The following PLXNA4 variants were observed in gnomAD, a reference collection of about 807,000 sequenced individuals.
The protein encoded by PLXNA4 is plexin-A4.
In PLXNA4, 44 loss-of-function variants were observed where a neutral mutation model predicts 191.8. The observed-to-expected ratio is 0.23, with a 90% CI of 0.18 to 0.29. The LOEUF (loss-of-function observed/expected upper bound fraction) is 0.29, where lower values mean the gene tolerates loss of function less well. PLXNA4 is among the 10% of genes least tolerant of loss of function. The probability of loss-of-function intolerance (pLI) is 1.00; values close to 1 mark genes in which losing one functional copy is unlikely to be tolerated. For synonymous variants in PLXNA4, 1,082 were observed against 1,009.5 expected (o/e 1.07, Z -1.36); for missense variants, 1,800 against 2,488.8 (o/e 0.72, Z 5.89).
chr7:132,270,104 A>T (rs1168867591), intron 4 of PLXNA4, among the ~76,000 whole-genome samples: 1 of 152,226 alleles, frequency 6.6e-6, no homozygotes, highest in Non-Finnish European at 1.5e-5. Context: ...AGACATGTAT[A>T]TATGAAGAAA....
upstream of PLXNA4, among the ~76,000 whole-genome samples, chr7:132,578,464 C>A (rs191543676): frequency 6.6e-6 from 1 of 152,362 alleles, no homozygotes; most frequent in Admixed American, 6.5e-5. Context: ...CATCTCAGAG[C>A]CTCCTTATTA....
chr7:132,498,077 G>A (rs144951238), intron 2 of PLXNA4, among the ~76,000 whole-genome samples: 6 of 152,230 alleles, frequency 3.9e-5, no homozygotes, highest in Admixed American at 2.0e-4. Flanking sequence ...TTCAGTTACC[G>A]CAGCTTCAGA....
rs570908251 is a variant in PLXNA4 at position 132,355,784 on chromosome 7, A to G, written c.1372-57562T>C. 8.3e-4 allele frequency among the ~76,000 whole-genome samples: 127 copies of G among 152,160 alleles called. 1 individual carries two copies. The highest frequency in any genetic ancestry group is 2.7e-3 in the African/African-American group (111 of 41,508). Reference sequence around the variant, plus strand: ...AAATCAAGAGGCTTTGGGGAGGGAGAGAGAAGGAGAAAAATGGAGATCATA... The same window carrying G: ...AAATCAAGAGGCTTTGGGGAGGGAGGGAGAAGGAGAAAAATGGAGATCATA... On this transcript the variant is annotated intron_variant, in intron 3 of 31. Coordinates refer to ENST00000321063, the MANE Select transcript of PLXNA4 (RefSeq NM_020911.2).
At chr7:132,535,492 C>T (rs1799797240) in intron 1 of PLXNA4, among the ~76,000 whole-genome samples, 2 of 152,150 alleles carry the variant, frequency 1.3e-5, no homozygotes, top group Admixed American at 6.5e-5. Flanking sequence ...ATCTCCCCTC[C>T]TACCCTCTTC....
intron 3 of PLXNA4, among the ~76,000 whole-genome samples, chr7:132,389,689 A>G (rs1262460586): frequency 6.6e-6 from 1 of 152,232 alleles, no homozygotes; most frequent in Non-Finnish European, 1.5e-5. Context: ...TATAGTTTGA[A>G]GTCAGGTAGT....
intron 5 of PLXNA4, among the ~76,000 whole-genome samples, chr7:132,237,300 CATT>C (rs1321342028): frequency 6.6e-6 from 1 of 152,210 alleles, no homozygotes; most frequent in Non-Finnish European, 1.5e-5. Flanking sequence ...CTCAAGGACT[CATT>C]ATGCCTCAGA....
intron 2 of PLXNA4, among the ~76,000 whole-genome samples, chr7:132,621,998 A>G (rs972122881): frequency 6.6e-6 from 1 of 152,050 alleles, no homozygotes; most frequent in African/African-American, 2.4e-5. Context: ...ACAGCTAGCT[A>G]TCCTCCTAAT....
At chr7:132,622,788 C>T (rs753086461) in intron 2 of PLXNA4, among the ~76,000 whole-genome samples, 1 of 152,098 alleles carries the variant, frequency 6.6e-6, no homozygotes, top group East Asian at 1.9e-4. Context: ...ATTTAAAATG[C>T]CATTTGCTAT....
At chr7:132,359,442 C>T (rs1363228508) in intron 3 of PLXNA4, among the ~76,000 whole-genome samples, 22 of 151,986 alleles carry the variant, frequency 1.4e-4, no homozygotes, top group Admixed American at 1.4e-3. Flanking sequence ...GTCTCTAACT[C>T]CTGACCTCAA....
intron 4 of PLXNA4, among the ~76,000 whole-genome samples, chr7:132,267,297 C>G (rs1799893801): frequency 6.6e-6 from 1 of 152,148 alleles, no homozygotes; most frequent in South Asian, 2.1e-4. Context: ...ATGAGCATAG[C>G]CCAAGGGGAA....
intron 10 of PLXNA4, among the ~76,000 whole-genome samples, chr7:132,207,541 T>C (rs976395809): frequency 6.6e-6 from 1 of 152,164 alleles, no homozygotes; most frequent in African/African-American, 2.4e-5. Flanking sequence ...TGCCCTGTCC[T>C]CCTCCCACCA....
intron 3 of PLXNA4, among the ~76,000 whole-genome samples, chr7:132,402,692 C>T (rs777189334): frequency 5.3e-5 from 8 of 152,228 alleles, no homozygotes; most frequent in Non-Finnish European, 8.8e-5. Flanking sequence ...AGGCTGCTCC[C>T]GAGCCGCTCA....
chr7:132,145,669 C>CTAAT (rs1209448425), intron 28 of PLXNA4, among the ~76,000 whole-genome samples: 2 of 152,092 alleles, frequency 1.3e-5, no homozygotes, highest in Non-Finnish European at 2.9e-5. Context: ...CTCACACTGG[C>CTAAT]TAATGAACAG....
chr7:132,228,387 C>T lies in PLXNA4; in HGVS notation c.1687G>A (p.Val563Ile). The change falls in exon 6 of 32, where the codon GTC (valine) becomes ATC (isoleucine). Residue 563 changes from valine to isoleucine, a missense_variant. Val to Ile is a conservative substitution (Grantham distance 29). This residue lies in a region of PLXNA4 where 1,397 missense variants were observed against 1,880.4 expected (regional missense o/e 0.74). Coordinates refer to ENST00000321063, the MANE Select transcript of PLXNA4 (RefSeq NM_020911.2). Reference protein sequence around the residue: ...SEMKQCVRLTVHPNNISVSQY... With the variant: ...SEMKQCVRLTIHPNNISVSQY... The stretch of plus-strand genomic sequence containing the variant: ...GAGACGGAGATATTGTTGGGATGGA[C>T]CGTCAGCCGGACACACTGCTTCATC... 1 of 1,614,130 alleles carries T rather than the reference C, an allele frequency of 6.2e-7. No individual in the cohort carries two copies. The highest frequency in any genetic ancestry group is 8.5e-7 in the Non-Finnish European group (1 of 1,180,020).
At chr7:132,466,929 G>C (rs1585177004) in intron 3 of PLXNA4, among the ~76,000 whole-genome samples, 1 of 152,154 alleles carries the variant, frequency 6.6e-6, no homozygotes, top group Non-Finnish European at 1.5e-5. Context: ...CCTGCTGGGG[G>C]AAGCTGCCTG....
chr7:132,174,722 G>A, intron 21 of PLXNA4, 56 bp downstream of exon 21: 5 of 1,587,384 alleles, frequency 3.1e-6, no homozygotes, highest in Non-Finnish European at 4.3e-6. Flanking sequence ...GGCTGGACTT[G>A]AAGATTGCCA....
intron 25 of PLXNA4, among the ~76,000 whole-genome samples, chr7:132,152,872 T>C (rs1398108552): frequency 6.6e-6 from 1 of 152,204 alleles, no homozygotes; most frequent in Non-Finnish European, 1.5e-5. Flanking sequence ...TCTCACAAGA[T>C]GCATCTCCTG....
chr7:132,349,052 C>T (rs1046645074), intron 3 of PLXNA4, among the ~76,000 whole-genome samples: 7 of 152,168 alleles, frequency 4.6e-5, no homozygotes, highest in African/African-American at 1.4e-4. Context: ...CTGTAAGACA[C>T]TGGTAGCCAT....
intron 2 of PLXNA4, among the ~76,000 whole-genome samples, chr7:132,583,434 C>T (rs1480809104): frequency 1.3e-5 from 2 of 152,220 alleles, no homozygotes; most frequent in Non-Finnish European, 2.9e-5. Context: ...TCCTTGAGGA[C>T]TTCTCGCATC....
Sources: allele counts gnomAD v4.1 joint callset (sites outside exome capture counted in the v4.1 genomes callset), GRCh38; gene constraint gnomAD v4.1.1; regional missense constraint gnomAD v4.1.1; transcripts MANE v1.5; gene names NCBI Gene and HGNC (gene_info 2026-07-23, HGNC 2026-07-21).